The following MARCHF7 variants were observed in gnomAD, a reference collection of about 807,000 sequenced individuals.
The protein encoded by MARCHF7 is membrane associated ring-CH-type finger 7, also known as E3 ubiquitin-protein ligase MARCHF7.
Under a neutral mutation model 76.5 loss-of-function variants are expected in MARCHF7, and 20 were observed. The ratio of observed to expected loss-of-function variants is 0.26; its 90% CI spans 0.18 to 0.38. The LOEUF (loss-of-function observed/expected upper bound fraction) is 0.38, where lower values mean the gene tolerates loss of function less well. Among genes scored for constraint, MARCHF7 ranks in the 10% least tolerant of loss-of-function variants. The probability of loss-of-function intolerance (pLI) is 1.00; values close to 1 mark genes in which losing one functional copy is unlikely to be tolerated. For synonymous variants in MARCHF7, 295 were observed against 293.0 expected (o/e 1.01, Z -0.07); for missense variants, 797 against 812.9 (o/e 0.98, Z 0.24).
intron 7 of MARCHF7, among the ~76,000 whole-genome samples, chr2:159,751,337 T>G (rs1434804952): frequency 6.6e-6 from 1 of 152,250 alleles, no homozygotes; most frequent in African/African-American, 2.4e-5. Flanking sequence ...ATTTCTGTAT[T>G]ACATCTTTCC....
At chr2:159,732,795 G>A in intron 4 of MARCHF7, 2 of 954,772 alleles carry the variant, frequency 2.1e-6, no homozygotes, top group Non-Finnish European at 2.5e-6. Flanking sequence ...GCCTCCCAAA[G>A]TGATGGGATT....
intron 3 of MARCHF7, among the ~76,000 whole-genome samples, chr2:159,725,185 T>C (rs1356159861): frequency 6.6e-6 from 1 of 152,248 alleles, no homozygotes; most frequent in Admixed American, 6.5e-5. Flanking sequence ...TATAATCCTT[T>C]GGGTATATAC....
rs1039507682 is a variant in MARCHF7 at position 159,767,640 on chromosome 2, C to T, written c.*298C>T. 6 of 207,502 alleles carry T rather than the reference C, an allele frequency of 2.9e-5. No individual in the cohort carries two copies. The highest frequency in any genetic ancestry group is 5.7e-5 in the Non-Finnish European group (6 of 104,574). The allele number at this position is 207,502 out of a possible 1,614,324, so 12.9% of individuals were successfully genotyped here. On this transcript the variant is annotated 3_prime_UTR_variant, in exon 12 of 12. Transcript: ENST00000409175. ...CTTGTTTTAAATATCTAAGCAATGC[C>T]TATCAACCCTTTTTTGTGTTATGAT...
At chr2:159,716,853 A>G (rs182635162) in intron 3 of MARCHF7, among the ~76,000 whole-genome samples, 1 of 152,328 alleles carries the variant, frequency 6.6e-6, no homozygotes, top group Non-Finnish European at 1.5e-5. Context: ...ACAGTAGAAA[A>G]TAAGGATAAG....
chr2:159,714,917 T>C (rs879724536), intron 2 of MARCHF7, among the ~76,000 whole-genome samples: 1 of 152,172 alleles, frequency 6.6e-6, no homozygotes, highest in Non-Finnish European at 1.5e-5. Flanking sequence ...TGAGACCCTG[T>C]CTCTAAAAAA....
chr2:159,751,811 G>A (rs564979326), intron 7 of MARCHF7, among the ~76,000 whole-genome samples: 28 of 152,248 alleles, frequency 1.8e-4, no homozygotes, highest in African/African-American at 5.3e-4. Context: ...AGATTGCTGC[G>A]CCGAGGGGGC....
At chr2:159,718,654 A>G (rs1019513073) in intron 3 of MARCHF7, among the ~76,000 whole-genome samples, 5 of 152,188 alleles carry the variant, frequency 3.3e-5, no homozygotes, top group East Asian at 3.8e-4. Context: ...TAAAAATCCA[A>G]GCTCTACCTG....
intron 6 of MARCHF7, among the ~76,000 whole-genome samples, chr2:159,747,039 A>G (rs980422760): frequency 1.3e-5 from 2 of 152,232 alleles, no homozygotes; most frequent in Non-Finnish European, 2.9e-5. Flanking sequence ...ATATCAGCAG[A>G]GTAGTAATTT....
At position 159,748,658 on chromosome 2, in the gene MARCHF7, T is replaced by C. The variant is rs1328566449; in HGVS notation, c.1368T>C (p.Ser456=). 4 of 1,614,206 alleles carry C rather than the reference T, an allele frequency of 2.5e-6. No homozygotes were observed. Among genetic ancestry groups the C allele is most frequent in the Non-Finnish European group, 3.4e-6 (4 of 1,180,032 alleles). ...CACAAGCATCTGCAGCATCAAGCAG[T>C]GCCACAACAGGTGGCTCTACATCAG... is the stretch of plus-strand genomic sequence containing the variant. ...NRPQASAASS[S]ATTGGSTSDS... The change falls in exon 7 of 12, where the codon AGT becomes AGC. Residue 456 remains serine, a synonymous_variant. Coordinates refer to ENST00000409175, the MANE Select transcript of MARCHF7 (RefSeq NM_001282805.2).
chr2:159,763,107 T>G, intron 10 of MARCHF7, 114 bp downstream of exon 10: 1 of 519,722 alleles, frequency 1.9e-6, no homozygotes, highest in Non-Finnish European at 3.2e-6. Context: ...CTTTTATTTT[T>G]TAAATGTTTC....
chr2:159,747,797 A>C lies in MARCHF7; in HGVS notation c.515-8A>C. 1.3e-6 allele frequency: 2 copies of C among 1,549,964 alleles called. No homozygotes were observed. The highest frequency in any genetic ancestry group is 1.2e-5 in the South Asian group (1 of 81,418). On this transcript the variant is annotated splice_polypyrimidine_tract_variant and splice_region_variant and intron_variant, in intron 6 of 11. Transcript: ENST00000409175. ...TCATGTAATTGGTTATCTTCCTTTC[A>C]AAAATAGATGTTCAAGACAGAGTTC...
At chr2:159,716,742 A>C (rs914882131) in intron 3 of MARCHF7, among the ~76,000 whole-genome samples, 4 of 152,244 alleles carry the variant, frequency 2.6e-5, no homozygotes, top group African/African-American at 9.6e-5. Flanking sequence ...TTAGTAATTC[A>C]GTACCTGTAA....
At position 159,768,661 on chromosome 2, in the gene MARCHF7, C is replaced by A. The variant is rs913305559; in HGVS notation, c.*1319C>A. ...CAAGAATTTTATTACAATTTCAAAT[C>A]TCATTTTAAGCAATAATATAAATGT... On this transcript the variant is annotated 3_prime_UTR_variant, in exon 12 of 12. Coordinates refer to ENST00000409175, the MANE Select transcript of MARCHF7 (RefSeq NM_001282805.2). The A allele has an allele frequency of 2.6e-5, 4 of 152,582 alleles. No individual in the cohort carries two copies. Among genetic ancestry groups the A allele is most frequent in the African/African-American group, 9.7e-5 (4 of 41,440 alleles). 9.5% of individuals were successfully genotyped at this position (152,582 alleles called of 1,614,324 possible).
Position 159,770,904 on chromosome 2 carries a change from T to G in MARCHF7, c.*3562T>G, listed in dbSNP as rs1708126323. 6.6e-6 allele frequency: 1 copy of G among 152,104 alleles called. No individual in the cohort carries two copies. The highest frequency in any genetic ancestry group is 1.5e-5 in the Non-Finnish European group (1 of 67,998). The allele number at this position is 152,104 out of a possible 1,614,324, so 9.4% of individuals were successfully genotyped here. A position where few individuals can be genotyped will look rare whatever the true frequency, so the allele number is the denominator to read the frequency against. ...TTTATACATTCTTTATCTTTCCTGT[T>G]TTTGGTTTATTGATGGTGAGGAAAA... is the stretch of plus-strand genomic sequence containing the variant. On this transcript the variant is annotated 3_prime_UTR_variant, in exon 12 of 12. Transcript: ENST00000409175.
chr2:159,722,942 G>A (rs1159613743), intron 3 of MARCHF7, among the ~76,000 whole-genome samples: 1 of 152,080 alleles, frequency 6.6e-6, no homozygotes, highest in Admixed American at 6.5e-5. Context: ...GTAAGAACTG[G>A]GTGTAAATGT....
chr2:159,748,939 A>G (rs761725440), intron 7 of MARCHF7, 36 bp downstream of exon 7: 3 of 1,496,530 alleles, frequency 2.0e-6, no homozygotes, highest in Non-Finnish European at 2.7e-6. Flanking sequence ...CTATAAATCA[A>G]AAATAGAGAA....
chr2:159,718,357 ATATT>A (rs1255089267), intron 3 of MARCHF7, among the ~76,000 whole-genome samples: 4 of 152,286 alleles, frequency 2.6e-5, no homozygotes, highest in East Asian at 1.9e-4. Context: ...TATTAAATAC[ATATT>A]TATTAATACA....
At chr2:159,727,536 C>T (rs891705270) in intron 3 of MARCHF7, among the ~76,000 whole-genome samples, 1 of 151,974 alleles carries the variant, frequency 6.6e-6, no homozygotes, top group Non-Finnish European at 1.5e-5. Flanking sequence ...TCCAGTGAGC[C>T]GAGATCGTGC....
intron 3 of MARCHF7, among the ~76,000 whole-genome samples, chr2:159,724,364 T>A (rs1406101433): frequency 3.3e-5 from 5 of 152,196 alleles, no homozygotes; most frequent in Non-Finnish European, 5.9e-5. Flanking sequence ...TGGTCTTTTT[T>A]CTTTGATGCT....
Sources: allele counts gnomAD v4.1 joint callset (sites outside exome capture counted in the v4.1 genomes callset), GRCh38; gene constraint gnomAD v4.1.1; transcripts MANE v1.5; gene names NCBI Gene and HGNC (gene_info 2026-07-23, HGNC 2026-07-21).